The following REXO5 variants were observed in gnomAD, a reference collection of about 807,000 sequenced individuals.
The protein encoded by REXO5 is exonuclease NEF-sp.
In REXO5, 48 loss-of-function variants were observed where a neutral mutation model predicts 88.5. That is an observed-to-expected ratio of 0.54 (90% CI 0.43 to 0.69). The LOEUF is 0.69. Among genes scored for constraint, REXO5 ranks in the 30% least tolerant of loss-of-function variants. REXO5 has a pLI of 0.00. For missense variants in REXO5, 749 were observed against 912.2 expected (o/e 0.82, Z 2.30); for synonymous variants, 311 against 336.5 (o/e 0.92, Z 0.83).
At chr16:20,821,631 C>G in intron 5 of REXO5, 131 bp from the exon 6 acceptor site, 4 of 795,864 alleles carry the variant, frequency 5.0e-6, no homozygotes, top group Middle Eastern at 3.4e-4. Flanking sequence ...TTGCAAGCCC[C>G]TAAATGGTTG....
At chr16:20,818,266 T>C (rs965463145) in intron 5 of REXO5, among the ~76,000 whole-genome samples, 2 of 152,180 alleles carry the variant, frequency 1.3e-5, no homozygotes, top group African/African-American at 4.8e-5. Context: ...TTTCCAACTA[T>C]AAGTTAAATG....
chr16:20,827,516 T>G (rs1406422117), intron 10 of REXO5, 69 bp downstream of exon 10: 2 of 1,106,674 alleles, frequency 1.8e-6, no homozygotes, highest in Non-Finnish European at 2.7e-6. Flanking sequence ...AGTATCTAAT[T>G]TAATGCATAT....
chr16:20,806,747 G>A, intron 1 of REXO5, 42 bp downstream of exon 1: 1 of 1,006,976 alleles, frequency 9.9e-7, no homozygotes, highest in Non-Finnish European at 1.4e-6. Context: ...TTAGAGCGGC[G>A]CGGGTGTCCA....
rs1219151177 is a variant in REXO5, at chr16:20,817,979, C to G, written c.475+1767C>G. Reference sequence around the variant, plus strand: ...TCAAATAATGGTCTCTTCATATTCCCTCTTGTTGGTGTCATTTTTCTCTAA... The same window carrying G: ...TCAAATAATGGTCTCTTCATATTCCGTCTTGTTGGTGTCATTTTTCTCTAA... On this transcript the variant is annotated intron_variant, in intron 5 of 19. Transcript: ENST00000261377. Among the ~76,000 whole-genome samples the G allele has an allele frequency of 2.0e-5, 3 of 152,112 alleles. No homozygotes were observed. The East Asian group carries it at 5.8e-4, about 29-fold the overall frequency.
At chr16:20,833,749 G>C (rs879665755) in intron 13 of REXO5, among the ~76,000 whole-genome samples, 25 of 152,126 alleles carry the variant, frequency 1.6e-4, no homozygotes, top group Non-Finnish European at 3.4e-4. Context: ...CCATTTGAGA[G>C]TAAGCTGCAT....
At chr16:20,823,250 G>A (rs1225799187) in intron 6 of REXO5, among the ~76,000 whole-genome samples, 1 of 151,970 alleles carries the variant, frequency 6.6e-6, no homozygotes, top group East Asian at 1.9e-4. Context: ...TGGAATTATT[G>A]GAGTTCTTAT....
chr16:20,833,574 AC>A (rs1364753067), intron 13 of REXO5, among the ~76,000 whole-genome samples: 1 of 151,984 alleles, frequency 6.6e-6, no homozygotes, highest in Non-Finnish European at 1.5e-5. Context: ...TTTCAACCTT[AC>A]AGAAAGCGTG....
intron 1 of REXO5, 91 bp downstream of exon 1, chr16:20,806,796 T>A: frequency 2.4e-6 from 3 of 1,262,484 alleles, no homozygotes; most frequent in Non-Finnish European, 3.2e-6. Flanking sequence ...CTTCGCTTTT[T>A]TAGGGGAACG....
chr16:20,806,546 A>C lies in REXO5; in HGVS notation c.-162A>C. 2 of 1,519,056 alleles carry C rather than the reference A, an allele frequency of 1.3e-6. No homozygotes were observed. The highest frequency in any genetic ancestry group is 1.8e-6 in the Non-Finnish European group (2 of 1,134,824). The allele number at this position is 1,519,056 out of a possible 1,614,324, so 94.1% of individuals were successfully genotyped here. A position where few individuals can be genotyped will look rare whatever the true frequency, so the allele number is the denominator to read the frequency against. On this transcript the variant is annotated 5_prime_UTR_variant, in exon 1 of 20. Transcript: ENST00000261377. ...GCGGTTGTTGTTGGCAGCTGTGGCTAAGGAGGGGAGAACCTCTGCTCCCCG... is the reference window on the plus strand; with the variant it reads ...GCGGTTGTTGTTGGCAGCTGTGGCTCAGGAGGGGAGAACCTCTGCTCCCCG...
At chr16:20,839,531 G>A (rs1348995728) in intron 13 of REXO5, among the ~76,000 whole-genome samples, 4 of 152,094 alleles carry the variant, frequency 2.6e-5, no homozygotes, top group East Asian at 1.9e-4. Context: ...AATGCCGAAG[G>A]TATGGCTCAT....
intron 19 of REXO5, among the ~76,000 whole-genome samples, chr16:20,847,168 A>G (rs1353743815): frequency 6.6e-6 from 1 of 151,818 alleles, no homozygotes; most frequent in African/African-American, 2.4e-5. Flanking sequence ...CTAGCACTTT[A>G]GAAGGCCAAG....
At chr16:20,847,616 T>A (rs918380145) in intron 19 of REXO5, among the ~76,000 whole-genome samples, 22 of 152,226 alleles carry the variant, frequency 1.4e-4, no homozygotes, top group Admixed American at 9.2e-4. Context: ...CCGCTTTCTC[T>A]GAAAAGCAGA....
rs190802740 is a variant in REXO5 at position 20,835,661 on chromosome 16, C to T, written c.1383+2538C>T. Among the ~76,000 whole-genome samples the T allele has an allele frequency of 4.0e-4, 61 of 151,446 alleles. 1 individual carries two copies. Among genetic ancestry groups the T allele is most frequent in the Admixed American group, 7.9e-4 (12 of 15,224 alleles). On this transcript the variant is annotated intron_variant, in intron 13 of 19. Transcript: ENST00000261377. ...GGAATTTTTTTTTTCTTCCTGAGCA[C>T]TTACATGGGCCTCAAGGGCTCTTTG...
chr16:20,828,559 GT>G (rs774054417), intron 11 of REXO5, 22 bp downstream of exon 11: 18 of 1,485,894 alleles, frequency 1.2e-5, no homozygotes, highest in Non-Finnish European at 1.6e-5. Context: ...TGCCCAGTGT[GT>G]TCACCTTTTC....
At chr16:20,824,348 A>G (rs2081229445) in intron 6 of REXO5, 91 bp from the exon 7 acceptor site, 1 of 685,000 alleles carries the variant, frequency 1.5e-6, no homozygotes, top group Non-Finnish European at 2.6e-6. Flanking sequence ...TGACTAAAAT[A>G]TCTAGTATTG....
At chr16:20,831,167 A>C (rs2081338594) in intron 11 of REXO5, among the ~76,000 whole-genome samples, 1 of 152,052 alleles carries the variant, frequency 6.6e-6, no homozygotes, top group Non-Finnish European at 1.5e-5. Context: ...AGAATTTTCC[A>C]TAAAAATTAG....
At chr16:20,817,746 C>T (rs1048646875) in intron 5 of REXO5, among the ~76,000 whole-genome samples, 1 of 152,160 alleles carries the variant, frequency 6.6e-6, no homozygotes, top group African/African-American at 2.4e-5. Flanking sequence ...CTCTGATCTT[C>T]GTTAATCAGT....
rs2081511342 is a variant in REXO5 at position 20,840,578 on chromosome 16, A to G, written c.1626+110A>G. The G allele has an allele frequency of 3.1e-6, 3 of 958,100 alleles. No individual in the cohort carries two copies. In the African/African-American group the frequency reaches 4.8e-5, roughly 15 times the overall value. 59.3% of individuals were successfully genotyped at this position (958,100 alleles called of 1,614,324 possible). A position where few individuals can be genotyped will look rare whatever the true frequency, so the allele number is the denominator to read the frequency against. On this transcript the variant is annotated intron_variant, in intron 15 of 19. Coordinates refer to ENST00000261377, the MANE Select transcript of REXO5 (RefSeq NM_030941.3). ...TCGTAAAGTAAGCTTGATTGCTACC[A>G]ACTGGAGTGTGAGACATACTCTAAT... is the stretch of plus-strand genomic sequence containing the variant.
chr16:20,807,751 CAAAA>C (rs1279813572), intron 2 of REXO5, among the ~76,000 whole-genome samples: 1 of 137,762 alleles, frequency 7.3e-6, no homozygotes, highest in East Asian at 2.0e-4. Context: ...AAAAAAAAAA[CAAAA>C]AACAAAACAA....
Sources: allele counts gnomAD v4.1 joint callset (sites outside exome capture counted in the v4.1 genomes callset), GRCh38; gene constraint gnomAD v4.1.1; transcripts MANE v1.5; gene names NCBI Gene and HGNC (gene_info 2026-07-23, HGNC 2026-07-21).